NXPE2: variants seen among roughly 807,000 people sequenced by gnomAD.
NXPE2 encodes the protein NXPE family member 2.
A neutral mutation model predicts 34.4 loss-of-function variants in NXPE2; 34 were observed. That is an observed-to-expected ratio of 0.99 (90% CI 0.75 to 1.31). The LOEUF (loss-of-function observed/expected upper bound fraction) is 1.31. Ranked by LOEUF, NXPE2 falls within the 40% of genes most tolerant of loss-of-function variation. The pLI is 0.00. For synonymous variants in NXPE2, 235 were observed against 231.3 expected (o/e 1.02, Z -0.15); for missense variants, 649 against 672.5 (o/e 0.97, Z 0.39).
chr11:114,680,297 T>G (rs552164011), intron 2 of NXPE2, among the ~76,000 whole-genome samples: 2 of 152,240 alleles, frequency 1.3e-5, no homozygotes, highest in East Asian at 3.9e-4. Flanking sequence ...CCACTGACAG[T>G]ATAAAGAACA....
At chr11:114,633,725 T>C in the NXPE2 span, among the ~76,000 whole-genome samples, 1 of 151,912 alleles carries the variant, frequency 6.6e-6, no homozygotes, top group African/African-American at 2.4e-5. Context: ...TTTGGTTTTT[T>C]GTCCTTGCGA....
the NXPE2 span, among the ~76,000 whole-genome samples, chr11:114,792,030 G>A: frequency 6.6e-6 from 1 of 152,100 alleles, no homozygotes; most frequent in Non-Finnish European, 1.5e-5. Flanking sequence ...TGCACTCCAG[G>A]CTGGGCGACT....
the NXPE2 span, chr11:114,570,852 C>G: frequency 3.2e-6 from 3 of 925,330 alleles, no homozygotes; most frequent in African/African-American, 1.7e-5. Context: ...GTTGGGAATT[C>G]AGAGCCAAAC....
At chr11:114,543,519 TAA>T in the NXPE2 span, among the ~76,000 whole-genome samples, 918 of 146,932 alleles carry the variant, frequency 6.2e-3, 5 homozygotes, top group African/African-American at 0.019. Flanking sequence ...AGACCCTGTT[TAA>T]AAAAAAAAAA....
chr11:114,636,073 C>A, the NXPE2 span, among the ~76,000 whole-genome samples: 2 of 129,748 alleles, frequency 1.5e-5, no homozygotes, highest in East Asian at 2.3e-4. Context: ...TGGTAGAATT[C>A]GACTGTGAAT....
the NXPE2 span, among the ~76,000 whole-genome samples, chr11:114,726,904 C>T: frequency 6.6e-6 from 1 of 151,984 alleles, no homozygotes; most frequent in Non-Finnish European, 1.5e-5. Flanking sequence ...ATCAGAATGA[C>T]CTTTACCATC....
the NXPE2 span, among the ~76,000 whole-genome samples, chr11:114,738,046 C>T: frequency 6.6e-6 from 1 of 152,140 alleles, no homozygotes; most frequent in South Asian, 2.1e-4. Context: ...GAGATCGTGC[C>T]ACTGCACTTC....
the NXPE2 span, among the ~76,000 whole-genome samples, chr11:114,792,053 G>C: frequency 1.3e-5 from 2 of 152,030 alleles, no homozygotes; most frequent in African/African-American, 4.8e-5. Context: ...GTGAGACTCC[G>C]TCTCAAAAAA....
At chr11:114,677,747 C>A (rs948401593), upstream of NXPE2, among the ~76,000 whole-genome samples, 2 of 151,884 alleles carry the variant, frequency 1.3e-5, no homozygotes, top group African/African-American at 4.8e-5. Flanking sequence ...ATGTATATAT[C>A]CATATTTATA....
the NXPE2 span, among the ~76,000 whole-genome samples, chr11:114,795,807 C>A: frequency 7.9e-5 from 12 of 152,334 alleles, no homozygotes; most frequent in South Asian, 2.5e-3. Context: ...GTCTGCTCAG[C>A]CAGCCTAGGA....
At chr11:114,597,839 T>C in the NXPE2 span, among the ~76,000 whole-genome samples, 1 of 151,802 alleles carries the variant, frequency 6.6e-6, no homozygotes, top group African/African-American at 2.4e-5. Flanking sequence ...ATAACAATTG[T>C]TTTGGAATAT....
chr11:114,724,190 T>A, the NXPE2 span, among the ~76,000 whole-genome samples: 6 of 152,266 alleles, frequency 3.9e-5, no homozygotes, highest in East Asian at 1.2e-3. Context: ...CAGGGTCACC[T>A]GAAGGGTGAG....
downstream of NXPE2, among the ~76,000 whole-genome samples, chr11:114,711,167 A>G (rs571082388): frequency 2.0e-5 from 3 of 152,276 alleles, no homozygotes; most frequent in African/African-American, 4.8e-5. Context: ...TTTTTCCTCT[A>G]TGATCAGGAA....
At chr11:114,627,830 C>T in the NXPE2 span, among the ~76,000 whole-genome samples, 4 of 150,996 alleles carry the variant, frequency 2.6e-5, no homozygotes, top group Non-Finnish European at 5.9e-5. Context: ...GGAAGATCTA[C>T]CAAGCAAATG....
rs536248160 is a variant in NXPE2, at chr11:114,682,275, CT to C, written c.132+2514del. ...TTAATCTGACATAGGGGCCCACATG[CT>C]GGTCTCGCATCAGTGTGCTTTTGAC... On this transcript the variant is annotated intron_variant, in intron 2 of 5. Coordinates refer to ENST00000389586, the MANE Select transcript of NXPE2 (RefSeq NM_182495.6). Among the ~76,000 whole-genome samples the C allele has an allele frequency of 1.1e-3, 163 of 152,278 alleles. 1 individual carries two copies. Among genetic ancestry groups the C allele is most frequent in the Non-Finnish European group, 1.9e-3 (128 of 68,018 alleles).
the NXPE2 span, among the ~76,000 whole-genome samples, chr11:114,662,183 C>T: frequency 6.6e-6 from 1 of 152,106 alleles, no homozygotes; most frequent in Admixed American, 6.5e-5. Context: ...CCACCATCAA[C>T]CCCCAGCATT....
At chr11:114,673,894 A>C (rs1478560004), upstream of NXPE2, among the ~76,000 whole-genome samples, 4 of 151,818 alleles carry the variant, frequency 2.6e-5, no homozygotes, top group African/African-American at 9.7e-5. Flanking sequence ...TTCAGGATAC[A>C]CATCTCTCCT....
chr11:114,522,244 A>G, the NXPE2 span: 1 of 1,613,976 alleles, frequency 6.2e-7, no homozygotes, highest in South Asian at 1.1e-5. Flanking sequence ...CCTTTTGAAC[A>G]CCGATGGCCC....
At chr11:114,492,729 C>T in the NXPE2 span, among the ~76,000 whole-genome samples, 2 of 151,932 alleles carry the variant, frequency 1.3e-5, no homozygotes, top group South Asian at 2.1e-4. Context: ...TTAGTAGAGA[C>T]GGGGTTTCAC....
Sources: gnomAD v4.1 joint callset for allele counts (sites outside exome capture counted in the v4.1 genomes callset) on GRCh38, gnomAD v4.1.1 for gene constraint, MANE v1.5 for transcripts, NCBI Gene and HGNC (gene_info 2026-07-23, HGNC 2026-07-21) for gene names.